Variants in PDE10A observed in about 807,000 individuals in gnomAD.
PDE10A encodes the protein phosphodiesterase 10A.
A neutral mutation model predicts 97.7 loss-of-function variants in PDE10A; 39 were observed. The observed-to-expected ratio is 0.40, with a 90% CI of 0.31 to 0.52. PDE10A has a LOEUF of 0.52. PDE10A is among the 20% of genes least tolerant of loss of function. The probability of loss-of-function intolerance (pLI) is 0.56; values close to 1 mark genes in which losing one functional copy is unlikely to be tolerated. For missense variants in PDE10A, 731 were observed against 1,047.8 expected (o/e 0.70, Z 4.17); for synonymous variants, 371 against 376.8 (o/e 0.98, Z 0.18).
chr6:165,821,151 A>T (rs1294658023), intron 1 of PDE10A, among the ~76,000 whole-genome samples: 1 of 152,214 alleles, frequency 6.6e-6, no homozygotes, highest in African/African-American at 2.4e-5. Context: ...AATTGGAAGG[A>T]CATGGAGCAG....
intron 1 of PDE10A, among the ~76,000 whole-genome samples, chr6:165,980,504 A>C (rs1191544019): frequency 6.6e-6 from 1 of 152,242 alleles, no homozygotes; most frequent in Non-Finnish European, 1.5e-5. Flanking sequence ...CAGGCAATGA[A>C]GGTAGTTTTA....
intron 2 of PDE10A, among the ~76,000 whole-genome samples, chr6:165,541,698 T>C (rs1318170509): frequency 2.6e-5 from 4 of 152,214 alleles, no homozygotes; most frequent in Admixed American, 6.5e-5. Context: ...TTTCAAATGT[T>C]TGAGGCTTAT....
At chr6:165,586,752 G>C (rs1334028645) in intron 1 of PDE10A, among the ~76,000 whole-genome samples, 2 of 152,150 alleles carry the variant, frequency 1.3e-5, no homozygotes, top group Non-Finnish European at 2.9e-5. Flanking sequence ...AAGAATGTTA[G>C]TTGGCTTCAG....
upstream of PDE10A, among the ~76,000 whole-genome samples, chr6:165,663,685 C>G (rs1317492571): frequency 1.3e-5 from 2 of 152,208 alleles, no homozygotes; most frequent in Non-Finnish European, 2.9e-5. Flanking sequence ...CCAGGACTCC[C>G]TTTCGCATAC....
intron 1 of PDE10A, among the ~76,000 whole-genome samples, chr6:165,910,262 C>A (rs1199517081): frequency 6.6e-6 from 1 of 152,166 alleles, no homozygotes; most frequent in Non-Finnish European, 1.5e-5. Flanking sequence ...GAATAGGATG[C>A]TAGTGACAAG....
intron 18 of PDE10A, among the ~76,000 whole-genome samples, chr6:165,361,542 T>G (rs767699345): frequency 2.0e-5 from 3 of 152,132 alleles, no homozygotes; most frequent in Admixed American, 2.0e-4. Flanking sequence ...CCAGACATAA[T>G]TCGTTAAGAT....
At chr6:165,649,504 G>A (rs1474065023) in intron 1 of PDE10A, among the ~76,000 whole-genome samples, 2 of 152,024 alleles carry the variant, frequency 1.3e-5, no homozygotes, top group Non-Finnish European at 2.9e-5. Flanking sequence ...CAGCCAGAGG[G>A]AAGGCTTTGT....
At chr6:165,580,055 T>G (rs750024044) in intron 1 of PDE10A, among the ~76,000 whole-genome samples, 1 of 152,234 alleles carries the variant, frequency 6.6e-6, no homozygotes, top group Non-Finnish European at 1.5e-5. Context: ...TTACTTTTAT[T>G]TGCTGTCCAT....
chr6:165,618,627 T>A (rs538593548), intron 1 of PDE10A, among the ~76,000 whole-genome samples: 1 of 152,074 alleles, frequency 6.6e-6, no homozygotes, highest in East Asian at 1.9e-4. Flanking sequence ...AGAAAAAAAA[T>A]GTTTTAGGCC....
intron 1 of PDE10A, among the ~76,000 whole-genome samples, chr6:165,614,859 G>A (rs1190208891): frequency 2.0e-5 from 3 of 150,270 alleles, no homozygotes; most frequent in African/African-American, 7.4e-5. Context: ...AAAAAAAAAA[G>A]AAAAAGTAAT....
intron 18 of PDE10A, among the ~76,000 whole-genome samples, chr6:165,373,091 AAGAC>A (rs1422368853): frequency 2.7e-5 from 4 of 150,918 alleles, no homozygotes; most frequent in African/African-American, 9.8e-5. Context: ...AGATGGATTA[AAGAC>A]TTAAATGTTA....
At chr6:165,622,445 C>T (rs1202682818) in intron 1 of PDE10A, among the ~76,000 whole-genome samples, 3 of 152,208 alleles carry the variant, frequency 2.0e-5, no homozygotes, top group Non-Finnish European at 4.4e-5. Context: ...TAGACTACTG[C>T]TTCCAGGCCA....
chr6:165,391,923 C>T (rs1170193574), intron 16 of PDE10A, among the ~76,000 whole-genome samples: 26 of 152,074 alleles, frequency 1.7e-4, no homozygotes, highest in Non-Finnish European at 1.5e-5. Flanking sequence ...AAAGATGATA[C>T]CAGTTTTTAC....
intron 1 of PDE10A, among the ~76,000 whole-genome samples, chr6:165,744,853 TAAA>T (rs3049879): frequency 6.8e-6 from 1 of 147,560 alleles, no homozygotes; most frequent in African/African-American, 2.5e-5. Flanking sequence ...CAGTACTGCT[TAAA>T]AAAAAAAAAA....
chr6:165,363,734 A>G (rs928481828), intron 18 of PDE10A, among the ~76,000 whole-genome samples: 7 of 152,292 alleles, frequency 4.6e-5, no homozygotes, highest in South Asian at 2.1e-4. Flanking sequence ...ACATACTAAC[A>G]ATAAAAAATG....
chr6:165,449,107 T>A, intron 4 of PDE10A, 130 bp from the exon 5 acceptor site: 1 of 650,754 alleles, frequency 1.5e-6, no homozygotes, highest in Non-Finnish European at 2.8e-6. Flanking sequence ...GGTCATGCAG[T>A]AAATGGAACA....
intron 1 of PDE10A, among the ~76,000 whole-genome samples, chr6:165,853,434 T>A (rs184432152): frequency 6.6e-6 from 1 of 152,326 alleles, no homozygotes; most frequent in East Asian, 1.9e-4. Context: ...TTAAAACACA[T>A]CTGCTTTTAG....
At chr6:165,897,130 C>T (rs960519661) in intron 1 of PDE10A, among the ~76,000 whole-genome samples, 5 of 152,118 alleles carry the variant, frequency 3.3e-5, no homozygotes, top group Admixed American at 3.3e-4. Context: ...GAAAAGCAAA[C>T]GGAACTTCCT....
chr6:165,796,912 T>C (rs545018464), intron 1 of PDE10A, among the ~76,000 whole-genome samples: 1 of 152,356 alleles, frequency 6.6e-6, no homozygotes, highest in Non-Finnish European at 1.5e-5. Context: ...TGATTGTTTC[T>C]TTCCTCATGG....
Sources: gnomAD v4.1 joint callset for allele counts (sites outside exome capture counted in the v4.1 genomes callset) on GRCh38, gnomAD v4.1.1 for gene constraint, MANE v1.5 for transcripts, NCBI Gene and HGNC (gene_info 2026-07-23, HGNC 2026-07-21) for gene names.